Variants in NEDD1 observed in about 807,000 individuals in gnomAD.
The protein encoded by NEDD1 is NEDD1 gamma-tubulin ring complex targeting factor.
Under a neutral mutation model 74.0 loss-of-function variants are expected in NEDD1, and 33 were observed. The ratio of observed to expected loss-of-function variants is 0.45; its 90% CI spans 0.34 to 0.60. The LOEUF is 0.60. NEDD1 is among the 20% of genes least tolerant of loss of function. The probability of loss-of-function intolerance (pLI) is 0.01; values close to 1 mark genes in which losing one functional copy is unlikely to be tolerated. For synonymous variants in NEDD1, 250 were observed against 264.4 expected (o/e 0.95, Z 0.53); for missense variants, 746 against 776.5 (o/e 0.96, Z 0.47).
At chr12:96,928,387 A>G (rs1444998031) in intron 6 of NEDD1, among the ~76,000 whole-genome samples, 1 of 152,106 alleles carries the variant, frequency 6.6e-6, no homozygotes, top group Non-Finnish European at 1.5e-5. Context: ...TATTGTTTTC[A>G]TAAGTATGTA....
intron 3 of NEDD1, 86 bp downstream of exon 3, chr12:96,909,981 G>A: frequency 6.9e-7 from 1 of 1,445,844 alleles, no homozygotes; most frequent in Non-Finnish European, 9.4e-7. Flanking sequence ...ACTTTTGCAT[G>A]TGCCTCATAC....
chr12:96,946,131 A>G (rs932761148), intron 14 of NEDD1, among the ~76,000 whole-genome samples: 4 of 152,144 alleles, frequency 2.6e-5, no homozygotes, highest in African/African-American at 9.6e-5. Context: ...AAATGTGGAC[A>G]AGTTCTGGTA....
At chr12:96,949,463 A>T (rs1313261714) in intron 14 of NEDD1, among the ~76,000 whole-genome samples, 1 of 152,196 alleles carries the variant, frequency 6.6e-6, no homozygotes, top group African/African-American at 2.4e-5. Context: ...TGGAGAGATT[A>T]TAAAGATATT....
intron 14 of NEDD1, among the ~76,000 whole-genome samples, chr12:96,948,731 A>G (rs1362198070): frequency 1.3e-5 from 2 of 152,060 alleles, no homozygotes; most frequent in African/African-American, 4.8e-5. Flanking sequence ...TTTTCTTAGC[A>G]CTAGTTTGTT....
intron 6 of NEDD1, among the ~76,000 whole-genome samples, chr12:96,932,463 A>AAAAAAAATATATATAT: frequency 1.1e-4 from 1 of 9,436 alleles, no homozygotes; most frequent in African/African-American, 3.4e-4. Flanking sequence ...AAAAAAAAAA[A>AAAAAAAATATATATAT]ATATATATAT....
In NEDD1 at chr12:96,907,279, C is replaced by T. The variant is rs1013673043; in HGVS notation, c.-283C>T. On this transcript the variant is annotated 5_prime_UTR_variant, in exon 1 of 16. Transcript: ENST00000266742. ...CCCAGCGCGGAGCCGGCCGCGGCCCCCTGTTGTGTTGCTGCGGAGAGGTGA... is the reference window on the plus strand; with the variant it reads ...CCCAGCGCGGAGCCGGCCGCGGCCCTCTGTTGTGTTGCTGCGGAGAGGTGA... 16 of 273,658 alleles carry T rather than the reference C, an allele frequency of 5.8e-5. No homozygotes were observed. The highest frequency in any genetic ancestry group is 1.1e-4 in the South Asian group (1 of 9,048). The allele number at this position is 273,658 out of a possible 1,614,324, so 17.0% of individuals were successfully genotyped here. A position where few individuals can be genotyped will look rare whatever the true frequency, so the allele number is the denominator to read the frequency against.
At position 96,944,683 on chromosome 12, in the gene NEDD1, T is replaced by C; in HGVS notation, c.1542T>C (p.Asn514=). 1 of 1,602,234 alleles carries C rather than the reference T, an allele frequency of 6.2e-7. No homozygotes were observed. The stretch of plus-strand genomic sequence containing the variant: ...CTGGTGCTGAAAGTGGAAATCTAAA[T>C]ACCTCTCCATCATCTAACCAAACAA... ...VTSGAESGNL[N]TSPSSNQTRN... is the part of the protein sequence containing the mutation. The change falls in exon 13 of 16, where the codon AAT becomes AAC. Residue 514 remains asparagine, a synonymous_variant. Coordinates refer to ENST00000266742, the MANE Select transcript of NEDD1 (RefSeq NM_152905.4).
Position 96,930,199 on chromosome 12 carries a change from ACACACACACACACTCTCTCTCTCT to A in NEDD1, c.490-4775_490-4752del, listed in dbSNP as rs1245480541. Among the ~76,000 whole-genome samples the A allele has an allele frequency of 9.3e-4, 59 of 63,534 alleles. 1 individual carries two copies. The highest frequency in any genetic ancestry group is 3.2e-3 in the African/African-American group (55 of 16,982). The allele number at this position is 63,534 out of a possible 152,430, so 41.7% of individuals were successfully genotyped here. ...CACACACACACACACACACACACAC[ACACACACACACACTCTCTCTCTCT>A]CTCTCTCTCTCTCTCTCTCTCACAC... On this transcript the variant is annotated intron_variant, in intron 6 of 15. Transcript: ENST00000266742.
At chr12:96,914,835 T>C (rs1406422531) in intron 4 of NEDD1, among the ~76,000 whole-genome samples, 2 of 152,226 alleles carry the variant, frequency 1.3e-5, no homozygotes, top group Non-Finnish European at 2.9e-5. Flanking sequence ...TTAAGTTCAT[T>C]AGTTGCATTA....
chr12:96,939,290 C>T (rs576662551), intron 9 of NEDD1, among the ~76,000 whole-genome samples: 24 of 152,112 alleles, frequency 1.6e-4, no homozygotes, highest in Non-Finnish European at 3.5e-4. Context: ...TGATACCAAA[C>T]TTCTGTTTCC....
chr12:96,914,516 A>G (rs996041427), intron 4 of NEDD1, among the ~76,000 whole-genome samples: 1 of 152,228 alleles, frequency 6.6e-6, no homozygotes, highest in South Asian at 2.1e-4. Flanking sequence ...TAATTTAGTT[A>G]TGAAAATATT....
chr12:96,918,236 A>G (rs1395855668), intron 5 of NEDD1, among the ~76,000 whole-genome samples: 1 of 151,666 alleles, frequency 6.6e-6, no homozygotes, highest in African/African-American at 2.4e-5. Context: ...TTTACTATTT[A>G]CAATTAATGT....
At chr12:96,910,414 G>A (rs1028774488) in intron 3 of NEDD1, among the ~76,000 whole-genome samples, 5 of 152,140 alleles carry the variant, frequency 3.3e-5, no homozygotes, top group African/African-American at 1.2e-4. Context: ...TGTGTGTGAT[G>A]AAAATTACAT....
intron 14 of NEDD1, among the ~76,000 whole-genome samples, chr12:96,951,174 A>G (rs1878671214): frequency 6.7e-6 from 1 of 150,362 alleles, no homozygotes; most frequent in East Asian, 1.9e-4. Flanking sequence ...ACTCTGGTTA[A>G]GTTATTTCTT....
At position 96,917,607 on chromosome 12, in the gene NEDD1, T is replaced by A; in HGVS notation, c.232-14T>A. On this transcript the variant is annotated splice_polypyrimidine_tract_variant and intron_variant, in intron 4 of 15. Transcript: ENST00000266742. ...TGTTAAATTAAGGTAACTTTTTTTT[T>A]TTTTTTTAAATAGCAAAAGCAGACA... 2.6e-6 allele frequency: 4 copies of A among 1,514,846 alleles called. No individual in the cohort carries two copies. The South Asian group carries it at 5.5e-5, about 21-fold the overall frequency. 93.8% of individuals were successfully genotyped at this position (1,514,846 alleles called of 1,614,324 possible). A position where few individuals can be genotyped will look rare whatever the true frequency, so the allele number is the denominator to read the frequency against.
Position 96,936,804 on chromosome 12 carries a change from C to G in NEDD1, c.913C>G (p.Leu305Val). The change falls in exon 8 of 16, where the codon CTT (leucine) becomes GTT (valine). Residue 305 changes from leucine (L) to valine (V), a missense_variant. Leu to Val is a conservative substitution (Grantham distance 32, BLOSUM62 1). Coordinates refer to ENST00000266742, the MANE Select transcript of NEDD1 (RefSeq NM_152905.4). The part of the protein sequence containing the change: ...QCIAFQYSTV[L>V]TKSSLNKGCS... ...TATAGCATTTCAGTACTCCACTGTT[C>G]TTACTAAGGTGAGACATTTTCTTTT... The G allele has an allele frequency of 6.3e-7, 1 of 1,592,898 alleles. No homozygotes were observed. Among genetic ancestry groups the G allele is most frequent in the Middle Eastern group, 1.7e-4 (1 of 6,018 alleles).
intron 2 of NEDD1, among the ~76,000 whole-genome samples, chr12:96,908,904 CG>C (rs1873605790): frequency 6.6e-6 from 1 of 152,158 alleles, no homozygotes; most frequent in East Asian, 1.9e-4. Context: ...TGGCTGGGCA[CG>C]GTGGCTCACG....
In NEDD1 at chr12:96,951,481, C is replaced by A; in HGVS notation, c.1861C>A (p.Gln621Lys). ...GAATTTGCAAGTGGAGATGATTAAA[C>A]AGTTTCATATGCAACTGGTATGTAT... ...IVNLQVEMIK[Q>K]FHMQLNEMHS... The change falls in exon 15 of 16, where the codon CAG becomes AAG. Residue 621 changes from glutamine to lysine, a missense_variant. Gln to Lys is a moderately conservative substitution (Grantham distance 53). This residue lies in a region of NEDD1 where 29 missense variants were observed against 50.8 expected (regional missense o/e 0.57). Coordinates refer to ENST00000266742, the MANE Select transcript of NEDD1 (RefSeq NM_152905.4). 6.4e-7 allele frequency: 1 copy of A among 1,552,216 alleles called. No homozygotes were observed. Among genetic ancestry groups the A allele is most frequent in the Non-Finnish European group, 8.9e-7 (1 of 1,127,686 alleles).
intron 9 of NEDD1, 116 bp downstream of exon 9, chr12:96,937,509 G>A (rs1877253172): frequency 2.1e-6 from 1 of 481,878 alleles, no homozygotes. Context: ...ATTTATTTGA[G>A]TACTTAGGTA....
Sources: allele counts gnomAD v4.1 joint callset (sites outside exome capture counted in the v4.1 genomes callset), GRCh38; gene constraint gnomAD v4.1.1; regional missense constraint gnomAD v4.1.1; transcripts MANE v1.5; gene names NCBI Gene and HGNC (gene_info 2026-07-23, HGNC 2026-07-21).